The following SPIDR variants were observed in gnomAD, a reference collection of about 807,000 sequenced individuals.
The protein encoded by SPIDR is scaffold protein involved in DNA repair.
Under a neutral mutation model 104.6 loss-of-function variants are expected in SPIDR, and 93 were observed. The observed-to-expected ratio is 0.89, with a 90% CI of 0.75 to 1.06. SPIDR has a LOEUF of 1.06. Among genes scored for constraint, SPIDR ranks in the 50% least tolerant of loss-of-function variants. The pLI is 0.00. For missense variants in SPIDR, 1,154 were observed against 1,111.2 expected (o/e 1.04, Z -0.55); for synonymous variants, 431 against 416.9 (o/e 1.03, Z -0.41).
At chr8:47,608,975 C>T (rs1438606568) in intron 10 of SPIDR, among the ~76,000 whole-genome samples, 3 of 152,242 alleles carry the variant, frequency 2.0e-5, no homozygotes, top group African/African-American at 7.2e-5. Context: ...CATCTGCCTG[C>T]CTCGGCCTCC....
chr8:47,297,872 GT>G (rs2154243752), intron 5 of SPIDR, among the ~76,000 whole-genome samples: 1 of 152,250 alleles, frequency 6.6e-6, no homozygotes, highest in East Asian at 1.9e-4. Flanking sequence ...GGACATTTGG[GT>G]TGCTTCCAAG....
intron 10 of SPIDR, among the ~76,000 whole-genome samples, chr8:47,649,499 C>T (rs927009527): frequency 3.9e-5 from 6 of 152,058 alleles, no homozygotes; most frequent in African/African-American, 1.4e-4. Context: ...AAATGCAGCC[C>T]GATTCTGAAC....
chr8:47,452,189 G>C lies in SPIDR; in HGVS notation c.1097+11647G>C, dbSNP rs368199932. ...CAGCAAGAGAGAGGCAACTTGCTACGTATAAGGGATCCTCAATAATATTAA... is the reference window on the plus strand; with the variant it reads ...CAGCAAGAGAGAGGCAACTTGCTACCTATAAGGGATCCTCAATAATATTAA... On this transcript the variant is annotated intron_variant, in intron 8 of 19. Coordinates refer to ENST00000297423, the MANE Select transcript of SPIDR (RefSeq NM_001080394.4). Among the ~76,000 whole-genome samples, 291 of 152,188 alleles carry C rather than the reference G, an allele frequency of 1.9e-3. 1 individual carries two copies. The highest frequency in any genetic ancestry group is 3.1e-3 in the Non-Finnish European group (212 of 68,004).
chr8:47,385,257 G>A (rs781844334), intron 5 of SPIDR, among the ~76,000 whole-genome samples: 41 of 151,752 alleles, frequency 2.7e-4, no homozygotes, highest in Admixed American at 2.0e-4. Flanking sequence ...TTTCTCACCC[G>A]TAAGGTCTTC....
At chr8:47,715,925 A>G (rs951654256) in intron 16 of SPIDR, among the ~76,000 whole-genome samples, 4 of 151,624 alleles carry the variant, frequency 2.6e-5, no homozygotes, top group African/African-American at 7.3e-5. Context: ...AGTGTTTTCC[A>G]AAGTGGCTAC....
At chr8:47,426,178 CG>C (rs2066381685) in intron 7 of SPIDR, among the ~76,000 whole-genome samples, 1 of 152,038 alleles carries the variant, frequency 6.6e-6, no homozygotes, top group East Asian at 1.9e-4. Flanking sequence ...CACTTAAACC[CG>C]GGAGGCGGAG....
At chr8:47,605,577 T>C (rs2062832882) in intron 10 of SPIDR, among the ~76,000 whole-genome samples, 1 of 152,176 alleles carries the variant, frequency 6.6e-6, no homozygotes, top group Non-Finnish European at 1.5e-5. Context: ...GGTGGTTTAA[T>C]GGAAAGAACA....
chr8:47,729,774 A>G (rs2084905277), intron 19 of SPIDR: 3 of 307,682 alleles, frequency 9.8e-6, no homozygotes, highest in Non-Finnish European at 1.8e-5. Flanking sequence ...GCTAGAGCAC[A>G]GTGGCGTGAT....
chr8:47,678,821 C>A (rs2076754159), intron 11 of SPIDR, among the ~76,000 whole-genome samples: 1 of 152,146 alleles, frequency 6.6e-6, no homozygotes, highest in Admixed American at 6.5e-5. Context: ...AAGCTATTGT[C>A]TAAACACCAA....
At chr8:47,733,259 C>A (rs1033849769) in intron 19 of SPIDR, among the ~76,000 whole-genome samples, 2 of 152,134 alleles carry the variant, frequency 1.3e-5, no homozygotes, top group African/African-American at 4.8e-5. Flanking sequence ...TGGTGGTGCG[C>A]ACCTGTAATC....
At chr8:47,571,342 A>T (rs1204577807) in intron 8 of SPIDR, among the ~76,000 whole-genome samples, 2 of 152,196 alleles carry the variant, frequency 1.3e-5, no homozygotes, top group Non-Finnish European at 2.9e-5. Context: ...ATGCTGTGGC[A>T]GTCATTTCAC....
At chr8:47,587,847 G>A (rs1472399365) in intron 8 of SPIDR, among the ~76,000 whole-genome samples, 3 of 150,342 alleles carry the variant, frequency 2.0e-5, no homozygotes, top group Admixed American at 2.0e-4. Flanking sequence ...ATATTTCTGG[G>A]TTCTTCTGTT....
chr8:47,443,100 G>T (rs2069770450), intron 8 of SPIDR, among the ~76,000 whole-genome samples: 1 of 152,056 alleles, frequency 6.6e-6, no homozygotes, highest in Non-Finnish European at 1.5e-5. Context: ...ATATGACCAA[G>T]AATTTCTAAA....
At chr8:47,713,804 G>A (rs1020307452) in intron 16 of SPIDR, among the ~76,000 whole-genome samples, 163 bp downstream of exon 16, 3 of 152,114 alleles carry the variant, frequency 2.0e-5, no homozygotes, top group Non-Finnish European at 4.4e-5. Flanking sequence ...TATCAGACTC[G>A]AGTCTGCACA....
At chr8:47,436,773 G>A (rs896770762) in intron 7 of SPIDR, among the ~76,000 whole-genome samples, 3 of 152,106 alleles carry the variant, frequency 2.0e-5, no homozygotes, top group African/African-American at 7.2e-5. Flanking sequence ...GGTATAAGTC[G>A]TCCCTTGCTT....
intron 16 of SPIDR, among the ~76,000 whole-genome samples, chr8:47,720,930 T>TTG (rs1286991350): frequency 1.6e-4 from 24 of 152,168 alleles, no homozygotes; most frequent in African/African-American, 5.5e-4. Flanking sequence ...GCTAGTTTTT[T>TTG]TATGTTTAGT....
intron 10 of SPIDR, chr8:47,654,175 G>T: frequency 7.8e-7 from 1 of 1,289,636 alleles, no homozygotes; most frequent in Non-Finnish European, 1.0e-6. Flanking sequence ...AACTCTATTC[G>T]ATAAGAAGGA....
intron 19 of SPIDR, among the ~76,000 whole-genome samples, chr8:47,730,824 G>A (rs1436030884): frequency 6.6e-6 from 1 of 152,198 alleles, no homozygotes; most frequent in Non-Finnish European, 1.5e-5. Context: ...AGCCCCGCAA[G>A]GCAGAGCAGC....
chr8:47,337,622 G>T (rs1587250278), intron 5 of SPIDR, among the ~76,000 whole-genome samples: 1 of 142,944 alleles, frequency 7.0e-6, no homozygotes. Flanking sequence ...GCTGCTTTTT[G>T]TGTCACATGT....
Sources: allele counts gnomAD v4.1 joint callset (sites outside exome capture counted in the v4.1 genomes callset), GRCh38; gene constraint gnomAD v4.1.1; transcripts MANE v1.5; gene names NCBI Gene and HGNC (gene_info 2026-07-23, HGNC 2026-07-21).